Variants in NF1 observed in about 807,000 individuals in gnomAD.
The protein encoded by NF1 is neurofibromin.
A neutral mutation model predicts 325.7 loss-of-function variants in NF1; 122 were observed. The ratio of observed to expected loss-of-function variants is 0.37; its 90% CI spans 0.32 to 0.44. The LOEUF is 0.44. Among genes scored for constraint, NF1 ranks in the 20% least tolerant of loss-of-function variants. The pLI is 1.00. For missense variants in NF1, 2,140 were observed against 3,415.4 expected, an observed-to-expected ratio of 0.63 and a Z score of 9.31; for synonymous variants, 1,091 against 1,186.0, an observed-to-expected ratio of 0.92 and a Z score of 1.65.
chr17:31,355,846 T>C (rs879017951), intron 51 of NF1: 1 of 153,330 alleles, frequency 6.5e-6, no homozygotes, highest in East Asian at 1.9e-4. Flanking sequence ...CGAGACCCTA[T>C]CAAAAGAAAA....
At chr17:31,211,306 T>A (rs771848254) in intron 12 of NF1, among the ~76,000 whole-genome samples, 12 of 152,230 alleles carry the variant, frequency 7.9e-5, no homozygotes, top group Non-Finnish European at 1.5e-4. Flanking sequence ...CTTTAGCATG[T>A]TTTTCCTCAC....
In NF1 at chr17:31,232,853, C is replaced by T. The variant is rs147955381; in HGVS notation, c.3468C>T (p.Asn1156=). The change falls in exon 26 of 58, where the codon AAC becomes AAT. Residue 1156 remains asparagine (N), a synonymous_variant. Coordinates refer to ENST00000358273, the MANE Select transcript of NF1 (RefSeq NM_001042492.3). ...CAATGTCAAACTTACTCAATGCCAA[C>T]GTAGACAGTGGTCTCATGCACTCCA... ...VLAMSNLLNA[N]VDSGLMHSIG... The T allele has an allele frequency of 1.2e-3, 1,989 of 1,613,894 alleles. 3 individuals carry two copies. Among genetic ancestry groups the T allele is most frequent in the Non-Finnish European group, 1.6e-3 (1,856 of 1,179,980 alleles).
chr17:31,349,560 C>G (rs919405568), intron 49 of NF1, among the ~76,000 whole-genome samples: 10 of 152,078 alleles, frequency 6.6e-5, no homozygotes, highest in African/African-American at 2.4e-4. Flanking sequence ...CCTTAAATAG[C>G]CCTCTCAGTT....
chr17:31,262,471 A>C (rs1491000827), intron 35 of NF1, among the ~76,000 whole-genome samples: 2 of 152,192 alleles, frequency 1.3e-5, no homozygotes, highest in African/African-American at 4.8e-5. Context: ...CTTTTAAAGT[A>C]CCTTTCACAG....
intron 51 of NF1, among the ~76,000 whole-genome samples, chr17:31,353,394 G>A (rs2070200785): frequency 6.6e-6 from 1 of 152,168 alleles, no homozygotes; most frequent in African/African-American, 2.4e-5. Context: ...CACTTTGAGG[G>A]ACTCAGGTGG....
intron 29 of NF1, among the ~76,000 whole-genome samples, chr17:31,237,706 G>C (rs972529716): frequency 7.3e-6 from 1 of 136,916 alleles, no homozygotes; most frequent in Non-Finnish European, 1.5e-5. Context: ...ACATTATTAC[G>C]GATTTTATGT....
intron 29 of NF1, among the ~76,000 whole-genome samples, chr17:31,248,144 G>A (rs1258649001): frequency 2.0e-5 from 3 of 151,922 alleles, no homozygotes; most frequent in Non-Finnish European, 2.9e-5. Context: ...GGAGGTTGCA[G>A]TGAACTGAGA....
At chr17:31,184,660 TA>T (rs1166091450) in intron 8 of NF1, among the ~76,000 whole-genome samples, 33 of 138,328 alleles carry the variant, frequency 2.4e-4, no homozygotes, top group African/African-American at 2.7e-4. Context: ...AAAAAAAAAA[TA>T]AAAAAAAAAA....
At position 31,327,749 on chromosome 17, in the gene NF1, C is replaced by T. The variant is rs2151541635; in HGVS notation, c.5519C>T (p.Pro1840Leu). Reference sequence around the variant, plus strand: ...GAACTGTCACAGCCCGACTCTATCCCCCAACACACCAAGATTCGGCCAAAA... The same window carrying T: ...GAACTGTCACAGCCCGACTCTATCCTCCAACACACCAAGATTCGGCCAAAA... Reference protein sequence around the residue: ...RWELSQPDSIPQHTKIRPKDV... With the variant: ...RWELSQPDSILQHTKIRPKDV... The change falls in exon 38 of 58, where the codon CCC (proline) becomes CTC (leucine). Residue 1840 changes from proline to leucine, a missense_variant. Around this residue, in one of 10 missense-constraint regions of NF1, gnomAD observed 147 missense variants for 186.7 expected, o/e 0.79. Transcript: ENST00000358273. The T allele has an allele frequency of 6.2e-7, 1 of 1,614,110 alleles. No individual in the cohort carries two copies.
At chr17:31,266,783 T>C (rs1463553477) in intron 36 of NF1, among the ~76,000 whole-genome samples, 2 of 151,832 alleles carry the variant, frequency 1.3e-5, no homozygotes, top group Non-Finnish European at 2.9e-5. Flanking sequence ...ATTCCCTCTC[T>C]GTGGTGATCT....
intron 30 of NF1, chr17:31,252,667 T>G: frequency 2.4e-6 from 1 of 421,072 alleles, no homozygotes. Context: ...CAAATTCACT[T>G]GGAGAGAGTT....
chr17:31,258,468 C>G lies in NF1; in HGVS notation c.4298C>G (p.Pro1433Arg), dbSNP rs1310048288. The G allele has an allele frequency of 3.7e-6, 6 of 1,613,892 alleles. No homozygotes were observed. The highest frequency in any genetic ancestry group is 5.1e-6 in the Non-Finnish European group (6 of 1,179,880). ...EAGILDKKPP[P>R]RIERGLKLMS... is the part of the protein sequence containing the mutation. ...GGGATTTTAGATAAAAAGCCACCAC[C>G]TAGAATCGAAAGGGGCTTGAAGTTA... Residue 1433 changes from proline to arginine, a missense_variant, in exon 32 of 58, where the codon CCT becomes CGT. Pro to Arg is a moderately radical substitution (Grantham distance 103). Transcript: ENST00000358273.
At chr17:31,187,400 T>C (rs1259615715) in intron 8 of NF1, among the ~76,000 whole-genome samples, 2 of 152,192 alleles carry the variant, frequency 1.3e-5, no homozygotes, top group African/African-American at 4.8e-5. Context: ...GGTTTCACCA[T>C]GTTGGCCAGG....
intron 8 of NF1, among the ~76,000 whole-genome samples, chr17:31,191,541 T>C (rs1161467981): frequency 6.6e-6 from 1 of 152,134 alleles, no homozygotes. Flanking sequence ...ACATACTATA[T>C]GATTTCTTAA....
In NF1 at chr17:31,154,709, C is replaced by A. The variant is rs552963668; in HGVS notation, c.61-1274C>A. ...TACACTCTAAAAATGCTGCCCCACC[C>A]CGCCAATTTCATTTAGTATTTCCTT... On this transcript the variant is annotated intron_variant, in intron 1 of 57. Transcript: ENST00000358273. 2.0e-5 allele frequency among the ~76,000 whole-genome samples: 3 copies of A among 151,020 alleles called. No individual in the cohort carries two copies. The South Asian group carries it at 6.3e-4, about 32-fold the overall frequency.
intron 1 of NF1, among the ~76,000 whole-genome samples, chr17:31,154,294 T>C (rs533689485): frequency 6.6e-6 from 1 of 152,198 alleles, no homozygotes; most frequent in South Asian, 2.1e-4. Flanking sequence ...TGACCTCAAG[T>C]GATCCACCTG....
chr17:31,350,161 C>G (rs2070101937), intron 49 of NF1, 22 bp from the exon 50 acceptor site: 1 of 1,613,726 alleles, frequency 6.2e-7, no homozygotes, highest in East Asian at 2.2e-5. Flanking sequence ...AATTTTTTAA[C>G]CTGCCACCGT....
intron 36 of NF1, among the ~76,000 whole-genome samples, chr17:31,286,351 C>T (rs1172135783): frequency 6.6e-6 from 1 of 152,138 alleles, no homozygotes. Context: ...TGTCTTGGCT[C>T]CCAAAGTGCT....
rs876659360 is a variant in NF1 at position 31,235,668 on chromosome 17, C to T, written c.3766C>T (p.Leu1256=). Residue 1256 remains leucine, a synonymous_variant, in exon 28 of 58, where the codon CTG becomes TTG. Coordinates refer to ENST00000358273, the MANE Select transcript of NF1 (RefSeq NM_001042492.3). ...LFDSRHLLYQ[L]LWNMFSKEVE... Reference sequence around the variant, plus strand: ...TGATTCTCGGCATTTACTCTACCAACTGCTCTGGAACATGTTTTCTAAAGA... The same window carrying T: ...TGATTCTCGGCATTTACTCTACCAATTGCTCTGGAACATGTTTTCTAAAGA... 3 of 1,614,140 alleles carry T rather than the reference C, an allele frequency of 1.9e-6. No individual in the cohort carries two copies. The highest frequency in any genetic ancestry group is 2.2e-5 in the East Asian group (1 of 44,872).
Sources: gnomAD v4.1 joint callset for allele counts (sites outside exome capture counted in the v4.1 genomes callset) on GRCh38, gnomAD v4.1.1 for gene constraint, gnomAD v4.1.1 regional missense constraint, MANE v1.5 for transcripts, NCBI Gene and HGNC (gene_info 2026-07-23, HGNC 2026-07-21) for gene names.